Variants in FRMPD4 observed in about 807,000 individuals in gnomAD.
FRMPD4 encodes the protein FERM and PDZ domain containing 4.
FRMPD4 carries 22 observed loss-of-function variants against 94.1 expected under a neutral mutation model. That is an observed-to-expected ratio of 0.23 (90% CI 0.17 to 0.33). FRMPD4 has a LOEUF of 0.33. Ranked by LOEUF, FRMPD4 falls within the 10% of genes least tolerant of loss-of-function variation. The probability of loss-of-function intolerance (pLI) is 1.00; values close to 1 mark genes in which losing one functional copy is unlikely to be tolerated. For missense variants in FRMPD4, 1,111 were observed against 1,339.9 expected (o/e 0.83, Z 2.67); for synonymous variants, 631 against 548.6 (o/e 1.15, Z -2.10).
chrX:12,109,089 G>A (rs1300066879), intron 3 of FRMPD4, among the ~76,000 whole-genome samples: 2 of 111,582 alleles, frequency 1.8e-5, no homozygotes, highest in Non-Finnish European at 3.8e-5. Flanking sequence ...GACATCTACA[G>A]AACTCTCCAC....
chrX:11,921,298 C>T (rs2054054832), intron 3 of FRMPD4, among the ~76,000 whole-genome samples: 1 of 112,205 alleles, frequency 8.9e-6, no homozygotes, highest in African/African-American at 3.2e-5. Flanking sequence ...TCTTGCTATA[C>T]CTTCACATGG....
intron 2 of FRMPD4, among the ~76,000 whole-genome samples, chrX:11,866,250 C>T (rs901044922): frequency 8.9e-6 from 1 of 111,985 alleles, no homozygotes; most frequent in African/African-American, 3.2e-5. Context: ...AGTTTGGTGA[C>T]GTGTAACCTT....
Position 11,964,516 on chromosome X carries a change from C to G in FRMPD4, c.95+86498C>G, listed in dbSNP as rs58604499. Among the ~76,000 whole-genome samples, 676 of 111,266 alleles carry G rather than the reference C, an allele frequency of 6.1e-3. 3 individuals carry two copies. Among genetic ancestry groups the G allele is most frequent in the African/African-American group, 0.021 (649 of 30,560 alleles). ...TCTTCATGGCTTTGACACCAGTTAC[C>G]TGCACTACAGATCAAATATAGTAGG... is the stretch of plus-strand genomic sequence containing the variant. On this transcript the variant is annotated intron_variant, in intron 3 of 18. Transcript: ENST00000640291.
chrX:12,109,306 C>T (rs1218437413), intron 3 of FRMPD4, among the ~76,000 whole-genome samples: 1 of 112,045 alleles, frequency 8.9e-6, no homozygotes, highest in East Asian at 2.8e-4. Context: ...AACTGAACAA[C>T]CTGCTCCTGA....
intron 2 of FRMPD4, among the ~76,000 whole-genome samples, chrX:12,522,238 A>G (rs999069786): frequency 2.7e-5 from 3 of 111,862 alleles, no homozygotes; most frequent in African/African-American, 9.8e-5. Flanking sequence ...GTTCTATGAG[A>G]AGACTAGATT....
At chrX:12,614,205 C>G (rs920207292) in intron 3 of FRMPD4, 2 of 111,756 alleles carry the variant, frequency 1.8e-5, no homozygotes, top group Admixed American at 1.9e-4. Flanking sequence ...TCCGAACACC[C>G]TTTTACTGAG....
intron 2 of FRMPD4, among the ~76,000 whole-genome samples, chrX:12,527,169 G>A (rs188890878): frequency 5.4e-5 from 6 of 111,797 alleles, no homozygotes; most frequent in African/African-American, 2.0e-4. Context: ...TATGCCTCTT[G>A]AGGGATAAAT....
chrX:12,666,869 A>C (rs2059785553), intron 4 of FRMPD4, among the ~76,000 whole-genome samples: 1 of 112,413 alleles, frequency 8.9e-6, no homozygotes, highest in African/African-American at 3.2e-5. Context: ...CACAATTAAA[A>C]GAACTAGAGA....
intron 1 of FRMPD4, among the ~76,000 whole-genome samples, chrX:12,162,922 T>G (rs1457792613): frequency 8.9e-6 from 1 of 111,809 alleles, no homozygotes; most frequent in Non-Finnish European, 1.9e-5. Flanking sequence ...GTTACAGTCT[T>G]CACCTTTGTG....
chrX:12,263,936 C>T (rs1387995606), intron 1 of FRMPD4, among the ~76,000 whole-genome samples: 1 of 111,533 alleles, frequency 9.0e-6, no homozygotes, highest in East Asian at 2.8e-4. Context: ...AACCCACAGC[C>T]GCAAGCCCTT....
At chrX:11,883,430 G>C (rs1004683454) in intron 3 of FRMPD4, among the ~76,000 whole-genome samples, 1 of 111,517 alleles carries the variant, frequency 9.0e-6, no homozygotes, top group African/African-American at 3.3e-5. Context: ...TGGCATTTTG[G>C]TAAAAGGCTC....
rs186552264 is a variant in FRMPD4 at position 11,942,758 on chromosome X, G to A, written c.95+64740G>A. Among the ~76,000 whole-genome samples, 373 of 111,538 alleles carry A rather than the reference G, an allele frequency of 3.3e-3. 4 individuals are homozygous for A. Among genetic ancestry groups the A allele is most frequent in the African/African-American group, 0.011 (345 of 30,706 alleles). On this transcript the variant is annotated intron_variant, in intron 3 of 18. Transcript: ENST00000640291. Reference sequence around the variant, plus strand: ...CCATTTTAAAGTATACAGTCCCAGGGCCTTTTAGTGCAATGTTGTGCGACT... The same window carrying A: ...CCATTTTAAAGTATACAGTCCCAGGACCTTTTAGTGCAATGTTGTGCGACT...
intron 3 of FRMPD4, among the ~76,000 whole-genome samples, chrX:12,062,003 A>T (rs1039065527): frequency 8.9e-6 from 1 of 112,033 alleles, no homozygotes; most frequent in Non-Finnish European, 1.9e-5. Flanking sequence ...ATAAGTCTCT[A>T]TTCAGTCTTA....
At chrX:12,500,265 G>A (rs1249648535) in intron 2 of FRMPD4, among the ~76,000 whole-genome samples, 2 of 111,558 alleles carry the variant, frequency 1.8e-5, no homozygotes, top group African/African-American at 6.5e-5. Context: ...AGTTGATTAT[G>A]GACTGATTAG....
intron 2 of FRMPD4, among the ~76,000 whole-genome samples, chrX:12,564,506 A>G (rs1293561617): frequency 8.9e-6 from 1 of 112,029 alleles, no homozygotes; most frequent in Non-Finnish European, 1.9e-5. Context: ...AGCTCTACAC[A>G]TAAGTGCAAC....
chrX:11,869,824 A>G (rs2053745933), intron 2 of FRMPD4, among the ~76,000 whole-genome samples: 1 of 111,544 alleles, frequency 9.0e-6, no homozygotes, highest in Non-Finnish European at 1.9e-5. Flanking sequence ...TTTAAATTAT[A>G]AGTGCTTAAG....
chrX:12,340,344 T>C (rs1465081826), intron 1 of FRMPD4, among the ~76,000 whole-genome samples: 1 of 108,438 alleles, frequency 9.2e-6, no homozygotes, highest in Admixed American at 9.6e-5. Context: ...TGTCAAAGAA[T>C]AAAGAAGAGA....
chrX:12,589,675 C>A (rs764931835), intron 2 of FRMPD4, among the ~76,000 whole-genome samples: 9 of 111,859 alleles, frequency 8.0e-5, no homozygotes, highest in Middle Eastern at 4.7e-3. Flanking sequence ...GAATTGTGGC[C>A]TTTCCATGCT....
intron 1 of FRMPD4, among the ~76,000 whole-genome samples, chrX:12,367,264 C>A (rs1161915686): frequency 1.8e-5 from 2 of 111,896 alleles, no homozygotes; most frequent in Admixed American, 1.9e-4. Flanking sequence ...TTTCTAAATA[C>A]AGATGAGGTT....
Sources: allele counts gnomAD v4.1 joint callset (sites outside exome capture counted in the v4.1 genomes callset), GRCh38; gene constraint gnomAD v4.1.1; transcripts MANE v1.5; gene names NCBI Gene and HGNC (gene_info 2026-07-23, HGNC 2026-07-21).